Variants in BMERB1 observed in about 807,000 individuals in gnomAD.
BMERB1 encodes the protein bMERB domain containing 1.
Under a neutral mutation model 23.6 loss-of-function variants are expected in BMERB1, and 12 were observed. The ratio of observed to expected loss-of-function variants is 0.51; its 90% confidence interval spans 0.33 to 0.82. The LOEUF (loss-of-function observed/expected upper bound fraction) is 0.82, where lower values mean the gene tolerates loss of function less well. Ranked by LOEUF, BMERB1 falls within the 40% of genes least tolerant of loss-of-function variation. BMERB1 has a pLI of 0.03. For missense variants in BMERB1, 247 were observed against 255.4 expected, an observed-to-expected ratio of 0.97 and a Z score of 0.22; for synonymous variants, 122 against 96.6, an observed-to-expected ratio of 1.26 and a Z score of -1.54.
At chr16:15,522,534 G>C (rs2051865905) in intron 2 of BMERB1, among the ~76,000 whole-genome samples, 1 of 151,998 alleles carries the variant, frequency 6.6e-6, no homozygotes, top group Non-Finnish European at 1.5e-5. Context: ...TTATTGTTTT[G>C]ATTCATATAA....
At chr16:15,518,001 ATG>A (rs535099257) in intron 2 of BMERB1, among the ~76,000 whole-genome samples, 5 of 144,532 alleles carry the variant, frequency 3.5e-5, no homozygotes, top group South Asian at 4.5e-4. Context: ...GCATGTGTGG[ATG>A]TGTGTGTGGG....
intron 2 of BMERB1, among the ~76,000 whole-genome samples, chr16:15,533,597 T>A (rs2051991498): frequency 6.6e-6 from 1 of 152,062 alleles, no homozygotes; most frequent in African/African-American, 2.4e-5. Context: ...TTGGTCCAAA[T>A]TTGCTCAGTC....
intron 2 of BMERB1, among the ~76,000 whole-genome samples, chr16:15,559,925 T>A (rs192456552): frequency 6.6e-6 from 1 of 152,172 alleles, no homozygotes; most frequent in Admixed American, 6.5e-5. Context: ...CAATAGCTGA[T>A]GAGCTTAAAA....
chr16:15,528,219 C>T (rs1449087232), intron 2 of BMERB1, among the ~76,000 whole-genome samples: 1 of 152,048 alleles, frequency 6.6e-6, no homozygotes, highest in South Asian at 2.1e-4. Context: ...CTTAGAAGGG[C>T]TCATTCTCTG....
rs778721060 is a variant in BMERB1 at position 15,583,216 on chromosome 16, C to A, written c.480C>A (p.Asp160Glu). The change falls in exon 5 of 6, where the codon GAC (aspartate) becomes GAA (glutamate). Residue 160 changes from aspartate (D) to glutamate (E), a missense_variant. By Grantham distance (45) the Asp-to-Glu change is conservative. Coordinates refer to ENST00000300006, the MANE Select transcript of BMERB1 (RefSeq NM_033201.3). ...DFLRIKLKPL[D>E]KVTKSPASSR... ...TGAGAATCAAGTTAAAACCTCTAGA[C>A]AAAGTAACCAAATCTCCAGCCAGTG... The A allele has an allele frequency of 1.9e-6, 3 of 1,611,148 alleles. No homozygotes were observed.
chr16:15,505,760 C>T (rs1304199963), intron 1 of BMERB1, among the ~76,000 whole-genome samples: 1 of 151,658 alleles, frequency 6.6e-6, no homozygotes, highest in Non-Finnish European at 1.5e-5. Context: ...TGGTGGTGGG[C>T]GCCTGTAGTC....
chr16:15,565,397 C>G (rs757173006), intron 2 of BMERB1, among the ~76,000 whole-genome samples: 1 of 152,220 alleles, frequency 6.6e-6, no homozygotes, highest in Non-Finnish European at 1.5e-5. Flanking sequence ...CCCACTACAT[C>G]CCTTACCTGC....
At chr16:15,563,556 G>T (rs1382625078) in intron 2 of BMERB1, among the ~76,000 whole-genome samples, 3 of 152,080 alleles carry the variant, frequency 2.0e-5, no homozygotes, top group Admixed American at 6.6e-5. Flanking sequence ...CTCAGATTGG[G>T]TAATTTATAC....
At position 15,491,142 on chromosome 16, in the gene BMERB1, G is replaced by A. The variant is rs576389720; in HGVS notation, c.107-24163G>A. On this transcript the variant is annotated intron_variant, in intron 1 of 5. Coordinates refer to ENST00000300006, the MANE Select transcript of BMERB1 (RefSeq NM_033201.3). ...TGGGATTACAGGCGTGAGCCACCAC[G>A]CCCAGTCCAGTAGTGCATTTACTGA... 3.3e-5 allele frequency among the ~76,000 whole-genome samples: 5 copies of A among 152,288 alleles called. No individual in the cohort carries two copies. In the South Asian group the frequency reaches 1.0e-3, roughly 32 times the overall value.
At chr16:15,452,282 T>TAA (rs777225534) in intron 1 of BMERB1, among the ~76,000 whole-genome samples, 1 of 95,012 alleles carries the variant, frequency 1.1e-5, no homozygotes. Flanking sequence ...CCCTGTCTCT[T>TAA]AAAAAAAAAA....
chr16:15,564,465 T>TA (rs2030512084), intron 2 of BMERB1, among the ~76,000 whole-genome samples: 2 of 152,226 alleles, frequency 1.3e-5, no homozygotes, highest in African/African-American at 2.4e-5. Context: ...CCTGAAGCCA[T>TA]ACATTTCAAG....
intron 2 of BMERB1, among the ~76,000 whole-genome samples, chr16:15,528,581 C>T (rs2051932798): frequency 6.6e-6 from 1 of 151,866 alleles, no homozygotes; most frequent in Non-Finnish European, 1.5e-5. Flanking sequence ...ACACACACAC[C>T]ACTCCCTTGG....
At chr16:15,521,469 C>T (rs2051852896) in intron 2 of BMERB1, among the ~76,000 whole-genome samples, 1 of 152,196 alleles carries the variant, frequency 6.6e-6, no homozygotes, top group Non-Finnish European at 1.5e-5. Context: ...ACATAACCCA[C>T]ATCAAATGCT....
intron 1 of BMERB1, among the ~76,000 whole-genome samples, chr16:15,480,361 G>A (rs1037345734): frequency 2.6e-5 from 4 of 151,968 alleles, no homozygotes; most frequent in Non-Finnish European, 4.4e-5. Context: ...TGATCCGCCC[G>A]TCTAGGCCTC....
rs182031697 is a variant in BMERB1, at chr16:15,482,575, G to A, written c.107-32730G>A. Among the ~76,000 whole-genome samples the A allele has an allele frequency of 1.6e-4, 25 of 152,138 alleles. No individual in the cohort carries two copies. The East Asian group carries it at 3.3e-3, about 20-fold the overall frequency. On this transcript the variant is annotated intron_variant, in intron 1 of 5. Coordinates refer to ENST00000300006, the MANE Select transcript of BMERB1 (RefSeq NM_033201.3). ...AGAGCAGCTTGGAGTTGAGTCACTC[G>A]ACAATCCAAGGGCACCTGTGGAAGC...
chr16:15,494,858 T>C (rs1426679214), intron 1 of BMERB1, among the ~76,000 whole-genome samples: 1 of 151,328 alleles, frequency 6.6e-6, no homozygotes, highest in African/African-American at 2.4e-5. Flanking sequence ...GAAATGTTGG[T>C]AAATTTCCTT....
intron 1 of BMERB1, among the ~76,000 whole-genome samples, chr16:15,462,913 T>C (rs2051148019): frequency 6.6e-6 from 1 of 152,124 alleles, no homozygotes; most frequent in Non-Finnish European, 1.5e-5. Context: ...CCACCAGCAC[T>C]AGATCCTTCA....
intron 3 of BMERB1, among the ~76,000 whole-genome samples, chr16:15,572,916 C>T (rs1292712764): frequency 6.6e-6 from 1 of 152,150 alleles, no homozygotes; most frequent in Non-Finnish European, 1.5e-5. Flanking sequence ...TCCCCTTTCG[C>T]TTGATTCTCA....
At chr16:15,463,916 A>G (rs909136663) in intron 1 of BMERB1, among the ~76,000 whole-genome samples, 1 of 152,002 alleles carries the variant, frequency 6.6e-6, no homozygotes, top group Non-Finnish European at 1.5e-5. Flanking sequence ...CTATTACTGG[A>G]AAGTGGTCCT....
Sources: gnomAD v4.1 joint callset for allele counts (sites outside exome capture counted in the v4.1 genomes callset) on GRCh38, gnomAD v4.1.1 for gene constraint, MANE v1.5 for transcripts, NCBI Gene and HGNC (gene_info 2026-07-23, HGNC 2026-07-21) for gene names.